Variants in RTP2 observed in about 807,000 individuals in gnomAD.
RTP2 encodes receptor-transporting protein 2.
RTP2 carries 12 observed loss-of-function variants against 17.9 expected under a neutral mutation model. The observed-to-expected ratio is 0.67, with a 90% CI of 0.43 to 1.09. The LOEUF is 1.09. RTP2 is among the 50% of genes least tolerant of loss of function. The pLI, the probability that RTP2 is intolerant of heterozygous loss-of-function variation, is 0.00. For synonymous variants in RTP2, 126 were observed against 117.7 expected, an observed-to-expected ratio of 1.07 and a Z score of -0.46; for missense variants, 327 against 295.7, an observed-to-expected ratio of 1.11 and a Z score of -0.78.
At chr3:187,698,445 T>A in exon 2 of RTP2, 1 of 1,481,990 alleles carries the variant, frequency 6.7e-7, no homozygotes, top group South Asian at 1.3e-5. Context: ...GTCCAGACTG[T>A]GTCCTCCCCA....
chr3:187,699,970 T>A (rs1228946541), intron 1 of RTP2, among the ~76,000 whole-genome samples: 5 of 152,130 alleles, frequency 3.3e-5, no homozygotes, highest in Admixed American at 2.0e-4. Context: ...CCAGGGCAGT[T>A]CTTTCCTTCC....
chr3:187,701,889 T>G, intron 1 of RTP2, 76 bp downstream of exon 1: 2 of 1,376,948 alleles, frequency 1.5e-6, no homozygotes, highest in Non-Finnish European at 2.0e-6. Context: ...GACTGGGCTC[T>G]GTCTCTCCTT....
At chr3:187,702,427 C>T in exon 1 of RTP2, 2 of 523,200 alleles carry the variant, frequency 3.8e-6, no homozygotes, top group Non-Finnish European at 7.4e-6. Context: ...GTGGGAGGCC[C>T]AACCTCAGAC....
chr3:187,712,524 T>C, the RTP2 span, among the ~76,000 whole-genome samples: 1,600 of 152,330 alleles, frequency 0.011, 37 homozygotes, highest in African/African-American at 0.035. Context: ...TATTGTTACA[T>C]GTAGAGGAAC....
upstream of RTP2, among the ~76,000 whole-genome samples, chr3:187,707,508 A>G (rs1718022407): frequency 6.6e-6 from 1 of 152,206 alleles, no homozygotes; most frequent in Non-Finnish European, 1.5e-5. Context: ...TAAGGAGGGG[A>G]AAGCATGGGC....
chr3:187,708,017 A>G, the RTP2 span, among the ~76,000 whole-genome samples: 2 of 152,354 alleles, frequency 1.3e-5, no homozygotes, highest in Non-Finnish European at 2.9e-5. Context: ...ATAGTTTACA[A>G]TGTTTTATAT....
At chr3:187,701,856 A>G in intron 1 of RTP2, 109 bp downstream of exon 1, 1 of 955,530 alleles carries the variant, frequency 1.0e-6, no homozygotes, top group East Asian at 2.8e-5. Flanking sequence ...TCCCCATCTG[A>G]GCTGACACCA....
At chr3:187,715,410 C>A in the RTP2 span, among the ~76,000 whole-genome samples, 1 of 151,696 alleles carries the variant, frequency 6.6e-6, no homozygotes, top group Non-Finnish European at 1.5e-5. Context: ...AGGTTCCCCC[C>A]GCCAGGGTTC....
At chr3:187,715,183 T>C in the RTP2 span, among the ~76,000 whole-genome samples, 1 of 152,286 alleles carries the variant, frequency 6.6e-6, no homozygotes, top group African/African-American at 2.4e-5. Context: ...GGTAGGATCT[T>C]GTGTAATCTC....
rs1395887205 is a variant in RTP2 at position 187,702,232 on chromosome 3, T to A, written c.-104A>T. 3 of 1,178,528 alleles carry A rather than the reference T, an allele frequency of 2.5e-6. No homozygotes were observed. Among genetic ancestry groups the A allele is most frequent in the Non-Finnish European group, 2.4e-6 (2 of 824,248 alleles). 73.0% of individuals were successfully genotyped at this position (1,178,528 alleles called of 1,614,324 possible). The stretch of plus-strand genomic sequence containing the variant: ...TCAGTGTCTACGGTCAGAATCCTCA[T>A]CGGCAGGACTGGGAGTAAACAGGAC... On this transcript the variant is annotated 5_prime_UTR_variant, in exon 1 of 2. The change abolishes an upstream ATG in the 5' untranslated region. Coordinates refer to ENST00000358241, the Ensembl canonical transcript of RTP2.
At chr3:187,702,179 G>C (rs116716610) in exon 1 of RTP2, 28,098 of 1,540,354 alleles carry the variant, frequency 0.018, 375 homozygotes, top group Non-Finnish European at 0.022. Context: ...TGAGAACACA[G>C]AAAGAGCACG....
chr3:187,712,579 A>G, the RTP2 span, among the ~76,000 whole-genome samples: 1 of 152,198 alleles, frequency 6.6e-6, no homozygotes, highest in Non-Finnish European at 1.5e-5. Flanking sequence ...ATTTCTGATA[A>G]CTAGTGTCTT....
upstream of RTP2, chr3:187,702,669 G>C (rs543691662): frequency 1.5e-4 from 68 of 441,556 alleles, no homozygotes; most frequent in African/African-American, 1.2e-3. Flanking sequence ...CTTGACCTGT[G>C]TGCTGGCCAA....
chr3:187,712,657 C>T, the RTP2 span, among the ~76,000 whole-genome samples: 1 of 152,042 alleles, frequency 6.6e-6, no homozygotes. Flanking sequence ...AGTCCTGAGT[C>T]CATGCATGTT....
upstream of RTP2, among the ~76,000 whole-genome samples, chr3:187,707,406 G>A (rs1718019703): frequency 6.6e-6 from 1 of 152,178 alleles, no homozygotes; most frequent in Admixed American, 6.5e-5. Flanking sequence ...AAGTCAATAA[G>A]GCTTCCACAG....
chr3:187,707,175 C>G (rs1718014109), upstream of RTP2, among the ~76,000 whole-genome samples: 1 of 152,192 alleles, frequency 6.6e-6, no homozygotes, highest in Non-Finnish European at 1.5e-5. Context: ...GTTCCAAGGG[C>G]TGGTGTCACA....
upstream of RTP2, among the ~76,000 whole-genome samples, chr3:187,706,522 A>G (rs73045303): frequency 0.05 from 7,665 of 152,340 alleles, 325 homozygotes; most frequent in Admixed American, 0.12. Flanking sequence ...AGCCAGAACA[A>G]TTATAGTTAA....
upstream of RTP2, among the ~76,000 whole-genome samples, chr3:187,704,982 G>A (rs1264609864): frequency 1.3e-5 from 2 of 152,126 alleles, no homozygotes; most frequent in African/African-American, 4.8e-5. Flanking sequence ...TGGTGTCCAA[G>A]GGCCCAAATT....
rs541321208 is a variant in RTP2 at position 187,701,411 on chromosome 3, C to T, written c.164+554G>A. ...GATTGGATCTATTATCTAAGACCAA[C>T]CCCCTCATTTTGTAAATATAAAAAC... On this transcript the variant is annotated intron_variant, in intron 1 of 1. Transcript: ENST00000358241. Among the ~76,000 whole-genome samples, 5 of 152,266 alleles carry T rather than the reference C, an allele frequency of 3.3e-5. No homozygotes were observed. The East Asian group carries it at 9.6e-4, about 29-fold the overall frequency.
Sources: gnomAD v4.1 joint callset for allele counts (sites outside exome capture counted in the v4.1 genomes callset) on GRCh38, gnomAD v4.1.1 for gene constraint, MANE v1.5 for transcripts, NCBI Gene and HGNC (gene_info 2026-07-23, HGNC 2026-07-21) for gene names.